The following PPP1R3A variants were observed in gnomAD, a reference collection of about 807,000 sequenced individuals.
The protein encoded by PPP1R3A is RG1.
A neutral mutation model predicts 41.7 loss-of-function variants in PPP1R3A; 29 were observed. The ratio of observed to expected loss-of-function variants is 0.70; its 90% CI spans 0.52 to 0.95. The LOEUF (loss-of-function observed/expected upper bound fraction) is 0.95. PPP1R3A is among the 40% of genes least tolerant of loss of function. The pLI is 0.00. For synonymous variants in PPP1R3A, 485 were observed against 453.4 expected, an observed-to-expected ratio of 1.07 and a Z score of -0.89; for missense variants, 1,352 against 1,292.4, an observed-to-expected ratio of 1.05 and a Z score of -0.71.
chr7:113,912,752 G>C (rs1797271366), intron 1 of PPP1R3A, among the ~76,000 whole-genome samples: 1 of 151,762 alleles, frequency 6.6e-6, no homozygotes, highest in Admixed American at 6.6e-5. Context: ...CTCAGAAATA[G>C]TGGGCTCTGC....
intron 1 of PPP1R3A, 129 bp downstream of exon 1, chr7:113,918,086 G>A (rs769014916): frequency 8.5e-5 from 75 of 881,874 alleles, no homozygotes; most frequent in Non-Finnish European, 1.2e-4. Context: ...TTAAAGCCTG[G>A]CACCATTGTT....
chr7:113,888,100 G>C (rs999869870), intron 1 of PPP1R3A, among the ~76,000 whole-genome samples: 5 of 152,094 alleles, frequency 3.3e-5, no homozygotes, highest in Non-Finnish European at 7.4e-5. Context: ...GCTGGACTCT[G>C]TTTGGGGAAA....
chr7:113,897,921 G>A (rs576326342), intron 1 of PPP1R3A, among the ~76,000 whole-genome samples: 3 of 151,850 alleles, frequency 2.0e-5, no homozygotes, highest in African/African-American at 4.8e-5. Flanking sequence ...GATTGCTAAA[G>A]GAGTGAAGTG....
chr7:113,885,992 T>C (rs1029834649), intron 1 of PPP1R3A, among the ~76,000 whole-genome samples: 2 of 150,684 alleles, frequency 1.3e-5, no homozygotes, highest in African/African-American at 4.9e-5. Context: ...AGGTAGTTTT[T>C]AGCTTAATAA....
chr7:113,877,875 T>G lies in PPP1R3A; in HGVS notation c.3217A>C (p.Asn1073His). 1 of 1,611,080 alleles carries G rather than the reference T, an allele frequency of 6.2e-7. No homozygotes were observed. The highest frequency in any genetic ancestry group is 8.5e-7 in the Non-Finnish European group (1 of 1,177,690). Reference protein sequence around the residue: ...GNESLFSKYTNSKIPYFLLFL... With the variant: ...GNESLFSKYTHSKIPYFLLFL... ...AAAAGGAAATAAGGTATTTTAGAGTTGGTATATTTTGAAAACAAAGATTCG... is the reference window on the plus strand; with the variant it reads ...AAAAGGAAATAAGGTATTTTAGAGTGGGTATATTTTGAAAACAAAGATTCG... The change falls in exon 4 of 4, where the codon AAC (asparagine) becomes CAC (histidine). Residue 1073 changes from asparagine (N) to histidine (H), a missense_variant. Coordinates refer to ENST00000284601, the MANE Select transcript of PPP1R3A (RefSeq NM_002711.4).
chr7:113,913,835 C>T (rs1254311519), intron 1 of PPP1R3A, among the ~76,000 whole-genome samples: 1 of 152,076 alleles, frequency 6.6e-6, no homozygotes, highest in African/African-American at 2.4e-5. Flanking sequence ...CTACTGTATA[C>T]CCAGAGAATC....
chr7:113,895,509 T>C (rs1034058624), intron 1 of PPP1R3A, among the ~76,000 whole-genome samples: 7 of 151,996 alleles, frequency 4.6e-5, no homozygotes, highest in African/African-American at 1.7e-4. Context: ...TCTGGATTGC[T>C]ATGCAATCAA....
Position 113,878,042 on chromosome 7 carries a change from G to C in PPP1R3A, c.3050C>G (p.Pro1017Arg). The C allele has an allele frequency of 6.2e-7, 1 of 1,613,200 alleles. No homozygotes were observed. Among genetic ancestry groups the C allele is most frequent in the Non-Finnish European group, 8.5e-7 (1 of 1,179,582 alleles). Residue 1017 changes from proline to arginine, a missense_variant, in exon 4 of 4, where the codon CCT (proline) becomes CGT (arginine). Coordinates refer to ENST00000284601, the MANE Select transcript of PPP1R3A (RefSeq NM_002711.4). ...SLGPMILINK[P>R]LENMEEARHE... ...CCTTGCTTCTTCCATATTCTCAAGA[G>C]GTTTGTTGATTAAAATCATTGGCCC...
intron 1 of PPP1R3A, among the ~76,000 whole-genome samples, chr7:113,890,167 C>G (rs1006863272): frequency 6.6e-6 from 1 of 152,108 alleles, no homozygotes; most frequent in Admixed American, 6.6e-5. Flanking sequence ...AGGGCACCAG[C>G]CAATTGGTAG....
At chr7:113,896,573 G>A (rs1423039541) in intron 1 of PPP1R3A, among the ~76,000 whole-genome samples, 1 of 151,772 alleles carries the variant, frequency 6.6e-6, no homozygotes, top group African/African-American at 2.4e-5. Flanking sequence ...AACATGAGTA[G>A]CATAATTAGC....
rs1487076078 is a variant in PPP1R3A at position 113,879,164 on chromosome 7, G to A, written c.1928C>T (p.Ser643Phe). 1.2e-6 allele frequency: 2 copies of A among 1,613,440 alleles called. No homozygotes were observed. The highest frequency in any genetic ancestry group is 1.7e-5 in the Admixed American group (1 of 59,836). ...CTGTGGGCTATTATCCTGATCTTCAGAATTAATCCCACCTGATTTTTCTTC... is the reference window on the plus strand; with the variant it reads ...CTGTGGGCTATTATCCTGATCTTCAAAATTAATCCCACCTGATTTTTCTTC... ...QVEEKSGGIN[S>F]EDQDNSPQHK... Residue 643 changes from serine to phenylalanine, a missense_variant, in exon 4 of 4, where the codon TCT becomes TTT. Coordinates refer to ENST00000284601, the MANE Select transcript of PPP1R3A (RefSeq NM_002711.4).
chr7:113,918,886 G>A lies in PPP1R3A; in HGVS notation c.111C>T (p.Phe37=), dbSNP rs777575663. 1.9e-5 allele frequency: 31 copies of A among 1,613,524 alleles called. No homozygotes were observed. In the South Asian group the frequency reaches 2.9e-4, roughly 15 times the overall value. ...EDEEVTFQPG[F]SPQPSRRGSD... is the part of the protein sequence containing the mutation. ...AACCTCGTCTACTTGGTTGAGGGGA[G>A]AAACCAGGTTGGAAAGTAACTTCTT... Residue 37 remains phenylalanine, a synonymous_variant, in exon 1 of 4, where the codon TTC becomes TTT. Transcript: ENST00000284601.
chr7:113,878,082 C>T lies in PPP1R3A; in HGVS notation c.3010G>A (p.Val1004Met). The change falls in exon 4 of 4, where the codon GTG becomes ATG. Residue 1004 changes from valine to methionine, a missense_variant. Physicochemically the swap from Val to Met is conservative, Grantham distance 21. Transcript: ENST00000284601. ...ATCATTGGCCCTAGAGATTTTTCCA[C>T]ACTATACTCTTCTGTTTGGAAAATC... is the stretch of plus-strand genomic sequence containing the variant. ...GQIFQTEEYS[V>M]EKSLGPMILI... is the part of the protein sequence containing the mutation. The T allele has an allele frequency of 6.2e-7, 1 of 1,613,332 alleles. No homozygotes were observed.
rs1243165613 is a variant in PPP1R3A, at chr7:113,918,388, A to G, written c.609T>C (p.Ser203=). ...CATAACGTATACAAAACTCAACTTT[A>G]CTGCCATCTTTTTGATAAGGAGGAA... ...VLVPPYQKDG[S]KVEFCIRYET... The change falls in exon 1 of 4, where the codon AGT becomes AGC. Residue 203 remains serine (S), a synonymous_variant. Transcript: ENST00000284601. 1.2e-6 allele frequency: 2 copies of G among 1,613,342 alleles called. No homozygotes were observed. The highest frequency in any genetic ancestry group is 1.3e-5 in the African/African-American group (1 of 74,874).
At chr7:113,904,623 AG>A (rs1584418213) in intron 1 of PPP1R3A, among the ~76,000 whole-genome samples, 2 of 151,750 alleles carry the variant, frequency 1.3e-5, no homozygotes, top group Admixed American at 6.6e-5. Context: ...AAAGAATAAA[AG>A]GAAATTGGTC....
Position 113,879,454 on chromosome 7 carries a change from A to G in PPP1R3A, c.1638T>C (p.Gly546=), listed in dbSNP as rs1796642373. ...TCCCTGCCACACTTATTTTAGGGTT[A>G]CCCATCTTCCTTTCTTGGTCATGTA... is the stretch of plus-strand genomic sequence containing the variant. ...TILHDQERKM[G]NPKISVAGIG... is the part of the protein sequence containing the mutation. Residue 546 remains glycine (G), a synonymous_variant, in exon 4 of 4, where the codon GGT becomes GGC. Transcript: ENST00000284601. 1.9e-6 allele frequency: 3 copies of G among 1,613,468 alleles called. No individual in the cohort carries two copies. Among genetic ancestry groups the G allele is most frequent in the Non-Finnish European group, 2.5e-6 (3 of 1,179,694 alleles).
intron 1 of PPP1R3A, among the ~76,000 whole-genome samples, chr7:113,890,291 C>T (rs908914843): frequency 5.3e-5 from 8 of 152,044 alleles, no homozygotes; most frequent in Middle Eastern, 3.2e-3. Context: ...GGCCAGAAAT[C>T]GGATCTACTG....
chr7:113,879,979 T>A lies in PPP1R3A; in HGVS notation c.1113A>T (p.Gln371His). 6.2e-7 allele frequency: 1 copy of A among 1,613,490 alleles called. No homozygotes were observed. Among genetic ancestry groups the A allele is most frequent in the Non-Finnish European group, 8.5e-7 (1 of 1,179,612 alleles). Residue 371 changes from glutamine (Q) to histidine (H), a missense_variant, in exon 4 of 4, where the codon CAA becomes CAT. Coordinates refer to ENST00000284601, the MANE Select transcript of PPP1R3A (RefSeq NM_002711.4). ...CTGATGAACTTGGAGACAGAGACCT[T>A]TGGAACAAGTCAGTACATATTTCAC... ...IHGEICTDLF[Q>H]RSLSPSSSAE...
chr7:113,878,724 G>T lies in PPP1R3A; in HGVS notation c.2368C>A (p.Arg790=), dbSNP rs1471160727. The change falls in exon 4 of 4, where the codon CGA becomes AGA. Residue 790 remains arginine (R), a synonymous_variant. Coordinates refer to ENST00000284601, the MANE Select transcript of PPP1R3A (RefSeq NM_002711.4). ...TCATAGATTACACCTACTGTATCTC[G>T]TTGACAAAGGGTATAATGTGAATCA... ...NDDSHYTLCQ[R]DTVGVIYDND... is the part of the protein sequence containing the mutation. The T allele has an allele frequency of 6.2e-7, 1 of 1,613,238 alleles. No homozygotes were observed.
Sources: allele counts gnomAD v4.1 joint callset (sites outside exome capture counted in the v4.1 genomes callset), GRCh38; gene constraint gnomAD v4.1.1; transcripts MANE v1.5; gene names NCBI Gene and HGNC (gene_info 2026-07-23, HGNC 2026-07-21).